The following KIAA0513 variants were observed in gnomAD, a reference collection of about 807,000 sequenced individuals.
KIAA0513 encodes the protein KIAA0513.
In KIAA0513, 39 loss-of-function variants were observed where a neutral mutation model predicts 56.5. The observed-to-expected ratio is 0.69, with a 90% CI of 0.53 to 0.90. The LOEUF is 0.90. Among genes scored for constraint, KIAA0513 ranks in the 40% least tolerant of loss-of-function variants. KIAA0513 has a pLI of 0.00. For missense variants in KIAA0513, 591 were observed against 535.2 expected (o/e 1.10, Z -1.03); for synonymous variants, 268 against 215.6 (o/e 1.24, Z -2.13).
At chr16:85,077,879 G>T (rs541092649) in intron 6 of KIAA0513, among the ~76,000 whole-genome samples, 1 of 152,214 alleles carries the variant, frequency 6.6e-6, no homozygotes, top group Non-Finnish European at 1.5e-5. Flanking sequence ...GGGATTGTCA[G>T]ATGGCAGAGG....
chr16:85,084,752 A>G (rs1447621477), intron 10 of KIAA0513, among the ~76,000 whole-genome samples: 1 of 149,626 alleles, frequency 6.7e-6, no homozygotes, highest in African/African-American at 2.5e-5. Flanking sequence ...TTTAGTAGAG[A>G]CAGAGTTGCC....
At chr16:85,061,333 T>C (rs1262734215) in intron 1 of KIAA0513, among the ~76,000 whole-genome samples, 1 of 152,150 alleles carries the variant, frequency 6.6e-6, no homozygotes, top group Non-Finnish European at 1.5e-5. Flanking sequence ...GAGATGTCGC[T>C]GTAAGAGGTG....
chr16:85,058,419 C>T (rs1367507501), intron 1 of KIAA0513, among the ~76,000 whole-genome samples: 3 of 152,064 alleles, frequency 2.0e-5, no homozygotes, highest in African/African-American at 7.2e-5. Flanking sequence ...TTAGGGAGGC[C>T]GAAGCAGGTG....
At position 85,050,443 on chromosome 16, in the gene KIAA0513, G is replaced by A. The variant is rs368941014; in HGVS notation, c.-172-16457G>A. Among the ~76,000 whole-genome samples the A allele has an allele frequency of 7.9e-5, 12 of 151,390 alleles. No individual in the cohort carries two copies. In the East Asian group the frequency reaches 9.7e-4, roughly 12 times the overall value. On this transcript the variant is annotated intron_variant, in intron 1 of 12. Transcript: ENST00000683363. Reference sequence around the variant, plus strand: ...CGGCTCACTGCAACCTCCACCTCCCGGGTTCAAGCCATTCTCCTGCCTCAG... The same window carrying A: ...CGGCTCACTGCAACCTCCACCTCCCAGGTTCAAGCCATTCTCCTGCCTCAG...
In KIAA0513 at chr16:85,067,214, C is replaced by G. The variant is rs747667058; in HGVS notation, c.143C>G (p.Thr48Ser). 6.2e-7 allele frequency: 1 copy of G among 1,614,052 alleles called. No individual in the cohort carries two copies. Among genetic ancestry groups the G allele is most frequent in the Non-Finnish European group, 8.5e-7 (1 of 1,180,014 alleles). Residue 48 changes from threonine to serine, a missense_variant, in exon 2 of 13, where the codon ACT (threonine) becomes AGT (serine). By Grantham distance (58) the Thr-to-Ser change is moderately conservative (BLOSUM62 1). Transcript: ENST00000683363. ...GACGGTGCATCAGAGAGTGAGACCA[C>G]TGAGTCTGCGGACAGTGAGAATGAC... Reference protein sequence around the residue: ...LGDGASESETTESADSENDMG... With the variant: ...LGDGASESETSESADSENDMG...
intron 8 of KIAA0513, chr16:85,079,229 A>T: frequency 2.2e-6 from 2 of 924,010 alleles, no homozygotes; most frequent in Non-Finnish European, 3.1e-6. Flanking sequence ...GCCGCTGAGA[A>T]ACAGTCTGGC....
intron 10 of KIAA0513, among the ~76,000 whole-genome samples, chr16:85,082,885 C>G (rs918421778): frequency 6.6e-6 from 1 of 152,266 alleles, no homozygotes. Flanking sequence ...AGCATGAGCT[C>G]GAGAGGCAAA....
chr16:85,046,264 T>C (rs1242675106), intron 1 of KIAA0513, among the ~76,000 whole-genome samples: 2 of 152,214 alleles, frequency 1.3e-5, no homozygotes, highest in Non-Finnish European at 2.9e-5. Context: ...CTTAGCAGTT[T>C]CTTACCCTGT....
chr16:85,030,438 C>T (rs1336260247), intron 1 of KIAA0513, among the ~76,000 whole-genome samples: 1 of 152,084 alleles, frequency 6.6e-6, no homozygotes, highest in East Asian at 1.9e-4. Context: ...ATTATGGTGA[C>T]ACTTAAGAAA....
chr16:85,041,708 G>C (rs765132749), intron 1 of KIAA0513, among the ~76,000 whole-genome samples: 2 of 152,138 alleles, frequency 1.3e-5, no homozygotes, highest in Non-Finnish European at 2.9e-5. Context: ...TGAAATTCCC[G>C]GACTTGGCAC....
At chr16:85,088,209 A>C in intron 12 of KIAA0513, 67 bp from the exon 13 acceptor site, 1 of 1,469,862 alleles carries the variant, frequency 6.8e-7, no homozygotes, top group Admixed American at 1.7e-5. Context: ...TCCGAGTGAC[A>C]AGAGCAGGAT....
chr16:85,085,477 A>G (rs2073797681), intron 10 of KIAA0513, among the ~76,000 whole-genome samples: 1 of 152,070 alleles, frequency 6.6e-6, no homozygotes, highest in African/African-American at 2.4e-5. Context: ...CCTTTCTTTG[A>G]TCTTCCTCTC....
intron 10 of KIAA0513, among the ~76,000 whole-genome samples, chr16:85,084,991 A>G (rs16975207): frequency 0.021 from 3,238 of 152,358 alleles, 41 homozygotes; most frequent in African/African-American, 0.028. Flanking sequence ...GGCAAGAAGA[A>G]TCGCCTCCTC....
intron 10 of KIAA0513, among the ~76,000 whole-genome samples, chr16:85,083,853 C>G (rs2073776429): frequency 6.6e-6 from 1 of 152,172 alleles, no homozygotes; most frequent in South Asian, 2.1e-4. Flanking sequence ...AACATGCCAT[C>G]TCTTTTTTGG....
rs34048494 is a variant in KIAA0513 at position 85,084,429 on chromosome 16, CTT to C, written c.1010+1852_1010+1853del. On this transcript the variant is annotated intron_variant, in intron 10 of 12. Coordinates refer to ENST00000683363, the MANE Select transcript of KIAA0513 (RefSeq NM_001388359.1). ...CGTGGCTAATTTTTCTTTTCGTTCTCTTTTTTTTTTTTTTTTTGAGATGGAGT... is the reference window on the plus strand; with the variant it reads ...CGTGGCTAATTTTTCTTTTCGTTCTCTTTTTTTTTTTTTTTGAGATGGAGT... Among the ~76,000 whole-genome samples, 271 of 53,980 alleles carry C rather than the reference CTT, an allele frequency of 5.0e-3. 6 individuals are homozygous for C. Among genetic ancestry groups the C allele is most frequent in the Non-Finnish European group, 6.8e-3 (187 of 27,582 alleles). The allele number at this position is 53,980 out of a possible 152,430, so 35.4% of individuals were successfully genotyped here.
At chr16:85,037,132 G>A (rs558296788) in intron 1 of KIAA0513, among the ~76,000 whole-genome samples, 1 of 152,100 alleles carries the variant, frequency 6.6e-6, no homozygotes, top group African/African-American at 2.4e-5. Flanking sequence ...GAAAGCATGC[G>A]CCTGGCAGAC....
Position 85,093,084 on chromosome 16 carries a change from G to C in KIAA0513, c.*4759G>C, listed in dbSNP as rs915314731. On this transcript the variant is annotated 3_prime_UTR_variant, in exon 13 of 13. Transcript: ENST00000683363. The stretch of plus-strand genomic sequence containing the variant: ...GACCGATGGGCTCGCAAGGATGGGT[G>C]CCGCCGTGGGAGCCCTGCCTCTGGT... The C allele has an allele frequency of 7.2e-5, 11 of 152,472 alleles. No homozygotes were observed. Among genetic ancestry groups the C allele is most frequent in the African/African-American group, 2.7e-4 (11 of 41,470 alleles). The allele number at this position is 152,472 out of a possible 1,614,324, so 9.4% of individuals were successfully genotyped here.
At chr16:85,062,029 T>C (rs1436683432) in intron 1 of KIAA0513, among the ~76,000 whole-genome samples, 1 of 152,148 alleles carries the variant, frequency 6.6e-6, no homozygotes, top group Non-Finnish European at 1.5e-5. Context: ...GTTCTCCCTC[T>C]TTCCATCTCA....
rs1162378778 is a variant in KIAA0513, at chr16:85,067,139, C to T, written c.68C>T (p.Pro23Leu). 6 of 1,613,714 alleles carry T rather than the reference C, an allele frequency of 3.7e-6. No individual in the cohort carries two copies. The highest frequency in any genetic ancestry group is 4.5e-5 in the East Asian group (2 of 44,898). The change falls in exon 2 of 13, where the codon CCC (proline) becomes CTC (leucine). Residue 23 changes from proline (P) to leucine (L), a missense_variant. By Grantham distance (98) the Pro-to-Leu change is moderately conservative. Transcript: ENST00000683363. Reference sequence around the variant, plus strand: ...GGGCCTGAGGCACCCACCTCTTCTCCCCTGGAGGCACCACCCCCTGTGCTG... The same window carrying T: ...GGGCCTGAGGCACCCACCTCTTCTCTCCTGGAGGCACCACCCCCTGTGCTG... ...DFGPEAPTSSPLEAPPPVLQD... is the reference protein window; with the variant it reads ...DFGPEAPTSSLLEAPPPVLQD...
Sources: gnomAD v4.1 joint callset for allele counts (sites outside exome capture counted in the v4.1 genomes callset) on GRCh38, gnomAD v4.1.1 for gene constraint, MANE v1.5 for transcripts, NCBI Gene and HGNC (gene_info 2026-07-23, HGNC 2026-07-21) for gene names.